The following DROSHA variants were observed in gnomAD, a reference collection of about 807,000 sequenced individuals.
DROSHA encodes drosha ribonuclease III.
A neutral mutation model predicts 181.9 loss-of-function variants in DROSHA; 56 were observed. That is an observed-to-expected ratio of 0.31 (90% CI 0.25 to 0.38). DROSHA has a LOEUF of 0.38. Ranked by LOEUF, DROSHA falls within the 10% of genes least tolerant of loss-of-function variation. The pLI is 1.00. For synonymous variants in DROSHA, 524 were observed against 591.2 expected, an observed-to-expected ratio of 0.89 and a Z score of 1.65; for missense variants, 1,218 against 1,743.5, an observed-to-expected ratio of 0.70 and a Z score of 5.37.
chr5:31,402,618 A>G (rs955853073), intron 35 of DROSHA, among the ~76,000 whole-genome samples: 2 of 152,280 alleles, frequency 1.3e-5, no homozygotes, highest in Non-Finnish European at 2.9e-5. Context: ...AGGTACCCCC[A>G]TGGATAAGGG....
intron 35 of DROSHA, among the ~76,000 whole-genome samples, chr5:31,403,186 T>C (rs1182294444): frequency 1.3e-5 from 2 of 152,220 alleles, no homozygotes; most frequent in South Asian, 2.1e-4. Flanking sequence ...GTTTCAAATA[T>C]AACTACTTTT....
At position 31,482,256 on chromosome 5, in the gene DROSHA, T is replaced by C. The variant is rs908090542; in HGVS notation, c.2071+1298A>G. Among the ~76,000 whole-genome samples the C allele has an allele frequency of 6.0e-4, 91 of 152,212 alleles. 1 individual carries two copies. Among genetic ancestry groups the C allele is most frequent in the Middle Eastern group, 3.4e-3 (1 of 292 alleles). Reference sequence around the variant, plus strand: ...CTCTTCAGTATTACTGAGTGGCCCATATATAGAAGAAAAGGCAAGCAGTTG... The same window carrying C: ...CTCTTCAGTATTACTGAGTGGCCCACATATAGAAGAAAAGGCAAGCAGTTG... On this transcript the variant is annotated intron_variant, in intron 16 of 35. Coordinates refer to ENST00000344624, the MANE Select transcript of DROSHA (RefSeq NM_001382508.1).
At chr5:31,440,735 T>C (rs1414590433) in intron 23 of DROSHA, among the ~76,000 whole-genome samples, 4 of 152,342 alleles carry the variant, frequency 2.6e-5, no homozygotes, top group African/African-American at 9.6e-5. Context: ...GTTCCACACC[T>C]GACCTTATGT....
chr5:31,405,827 C>T (rs1740590171), intron 34 of DROSHA, 104 bp from the exon 35 acceptor site: 4 of 990,938 alleles, frequency 4.0e-6, no homozygotes, highest in Non-Finnish European at 5.6e-6. Context: ...ATCTTTCAGG[C>T]TGATTTTCAC....
intron 13 of DROSHA, among the ~76,000 whole-genome samples, chr5:31,492,773 G>A (rs1356876225): frequency 1.3e-5 from 2 of 152,166 alleles, no homozygotes; most frequent in African/African-American, 4.8e-5. Context: ...ATATTCCTGG[G>A]ATTCAAAAGC....
rs1752604334 is a variant in DROSHA, at chr5:31,493,255, C to T, written c.1794G>A (p.Glu598=). 2.5e-6 allele frequency: 4 copies of T among 1,606,238 alleles called. No individual in the cohort carries two copies. Among genetic ancestry groups the T allele is most frequent in the Non-Finnish European group, 3.4e-6 (4 of 1,176,692 alleles). The change falls in exon 13 of 36, where the codon GAG becomes GAA. Residue 598 remains glutamate (E), a synonymous_variant. Coordinates refer to ENST00000344624, the MANE Select transcript of DROSHA (RefSeq NM_001382508.1). The part of the protein sequence containing the change: ...RPTVIEYDDH[E]YIFEGFSMFA... The stretch of plus-strand genomic sequence containing the variant: ...ACATAGAAAATCCTTCAAAGATATA[C>T]TCGTGATCATCGTATTCTATAACAG...
rs1746704768 is a variant in DROSHA, at chr5:31,449,481, C to T, written c.2683-62G>A. On this transcript the variant is annotated intron_variant, in intron 21 of 35. Coordinates refer to ENST00000344624, the MANE Select transcript of DROSHA (RefSeq NM_001382508.1). Reference sequence around the variant, plus strand: ...AGCATAAACTGGGTGCAGTGGCTCACGCCTGTAATCCTAAGGTGGAGGGAC... The same window carrying T: ...AGCATAAACTGGGTGCAGTGGCTCATGCCTGTAATCCTAAGGTGGAGGGAC... 7.3e-6 allele frequency: 11 copies of T among 1,513,636 alleles called. No individual in the cohort carries two copies. The East Asian group carries it at 1.2e-4, about 17-fold the overall frequency. 93.8% of individuals were successfully genotyped at this position (1,513,636 alleles called of 1,614,324 possible). A position where few individuals can be genotyped will look rare whatever the true frequency, so the allele number is the denominator to read the frequency against.
chr5:31,491,078 A>AT (rs869220398), intron 13 of DROSHA, among the ~76,000 whole-genome samples: 3 of 151,494 alleles, frequency 2.0e-5, no homozygotes, highest in East Asian at 1.9e-4. Flanking sequence ...TAAAACTACT[A>AT]TTTTTTTTAA....
rs1433896077 is a variant in DROSHA, at chr5:31,401,028, A to G, written c.*404T>C. ...TACTTAAAAATCCAGAGATTTGAAA[A>G]AGGATAGATGTTACTAGAGCACAGT... On this transcript the variant is annotated 3_prime_UTR_variant, in exon 36 of 36. Coordinates refer to ENST00000344624, the MANE Select transcript of DROSHA (RefSeq NM_001382508.1). 7.7e-5 allele frequency: 14 copies of G among 181,600 alleles called. No homozygotes were observed. Among genetic ancestry groups the G allele is most frequent in the Non-Finnish European group, 1.3e-4 (11 of 86,126 alleles). The allele number at this position is 181,600 out of a possible 1,614,324, so 11.2% of individuals were successfully genotyped here. A position where few individuals can be genotyped will look rare whatever the true frequency, so the allele number is the denominator to read the frequency against.
intron 16 of DROSHA, among the ~76,000 whole-genome samples, chr5:31,481,165 C>T (rs893371732): frequency 1.3e-5 from 2 of 151,904 alleles, no homozygotes; most frequent in Non-Finnish European, 2.9e-5. Context: ...ACAAATCAAC[C>T]GTAATTTCCT....
At chr5:31,493,135 T>C (rs1752594050) in intron 13 of DROSHA, 72 bp downstream of exon 13, 1 of 1,437,334 alleles carries the variant, frequency 7.0e-7, no homozygotes, top group Non-Finnish European at 9.5e-7. Context: ...ACAGGAAATG[T>C]TTTGACTTTT....
chr5:31,501,862 A>G (rs1443764179), intron 11 of DROSHA, among the ~76,000 whole-genome samples: 1 of 152,208 alleles, frequency 6.6e-6, no homozygotes, highest in Non-Finnish European at 1.5e-5. Flanking sequence ...GGCATGCTGT[A>G]GAACCTCACA....
In DROSHA at chr5:31,484,916, C is replaced by T; in HGVS notation, c.1961G>A (p.Arg654Lys). Reference sequence around the variant, plus strand: ...CCAGTCATATAATTCCAAAATATCTCTGAATAGGAACAGTGAAAAGAGTTC... The same window carrying T: ...CCAGTCATATAATTCCAAAATATCTTTGAATAGGAACAGTGAAAAGAGTTC... ...GLELFSLFLF[R>K]DILELYDWNL... The change falls in exon 15 of 36, where the codon AGA (arginine) becomes AAA (lysine). Residue 654 changes from arginine (R) to lysine (K), a missense_variant. Around this residue, in one of 8 missense-constraint regions of DROSHA, gnomAD observed 460 missense variants for 774.2 expected, o/e 0.59. Coordinates refer to ENST00000344624, the MANE Select transcript of DROSHA (RefSeq NM_001382508.1). 6.5e-7 allele frequency: 1 copy of T among 1,546,732 alleles called. No homozygotes were observed. Among genetic ancestry groups the T allele is most frequent in the South Asian group, 1.2e-5 (1 of 82,374 alleles).
At chr5:31,512,742 T>C (rs964357397) in intron 8 of DROSHA, among the ~76,000 whole-genome samples, 1 of 152,098 alleles carries the variant, frequency 6.6e-6, no homozygotes, top group African/African-American at 2.4e-5. Context: ...CGAGAAGGAC[T>C]CGACCACCAT....
Position 31,504,704 on chromosome 5 carries a change from C to T in DROSHA, c.1588-69G>A, listed in dbSNP as rs16901229. The T allele has an allele frequency of 0.019, 28,965 of 1,527,972 alleles. 1,844 individuals carry two copies. In the East Asian group the frequency reaches 0.25, roughly 13 times the overall value. 94.7% of individuals were successfully genotyped at this position (1,527,972 alleles called of 1,614,324 possible). ...TCCACACCATGCACGGTGATGCCTCCGAAAATGCGTGGGTTTTAATGTCAT... is the reference window on the plus strand; with the variant it reads ...TCCACACCATGCACGGTGATGCCTCTGAAAATGCGTGGGTTTTAATGTCAT... On this transcript the variant is annotated intron_variant, in intron 10 of 35. Transcript: ENST00000344624.
rs546511517 is a variant in DROSHA, at chr5:31,483,343, T to C, written c.2071+211A>G. On this transcript the variant is annotated intron_variant, in intron 16 of 35. Coordinates refer to ENST00000344624, the MANE Select transcript of DROSHA (RefSeq NM_001382508.1). ...TAGATTTCTAAAATTTATAAATCTG[T>C]TCTTCCATTGTTCATCTAATTTGGA... Among the ~76,000 whole-genome samples, 10 of 152,348 alleles carry C rather than the reference T, an allele frequency of 6.6e-5. No individual in the cohort carries two copies. In the East Asian group the frequency reaches 1.9e-3, roughly 29 times the overall value.
chr5:31,493,117 G>T, intron 13 of DROSHA, 90 bp downstream of exon 13: 1 of 1,277,266 alleles, frequency 7.8e-7, no homozygotes, highest in Non-Finnish European at 1.1e-6. Context: ...TTTCTTAGGA[G>T]GCAGATGACA....
chr5:31,510,986 T>G (rs1228353376), intron 9 of DROSHA, 49 bp downstream of exon 9: 2 of 1,587,464 alleles, frequency 1.3e-6, no homozygotes. Context: ...AATTTAGGAA[T>G]GAAGCTATAA....
intron 11 of DROSHA, among the ~76,000 whole-genome samples, chr5:31,500,736 T>C (rs1160535150): frequency 3.3e-5 from 5 of 152,176 alleles, no homozygotes; most frequent in East Asian, 1.9e-4. Flanking sequence ...CCAGCAGTAA[T>C]AGGGATGACA....
Sources: gnomAD v4.1 joint callset for allele counts (sites outside exome capture counted in the v4.1 genomes callset) on GRCh38, gnomAD v4.1.1 for gene constraint, gnomAD v4.1.1 regional missense constraint, MANE v1.5 for transcripts, NCBI Gene and HGNC (gene_info 2026-07-23, HGNC 2026-07-21) for gene names.